Variants in ROBO1 observed in about 807,000 individuals in gnomAD.
The protein encoded by ROBO1 is roundabout guidance receptor 1.
ROBO1 carries 149 observed loss-of-function variants against 195.9 expected under a neutral mutation model. The observed-to-expected ratio is 0.76, with a 90% confidence interval of 0.67 to 0.87. The LOEUF (loss-of-function observed/expected upper bound fraction) is 0.87, where lower values mean the gene tolerates loss of function less well. ROBO1 is among the 40% of genes least tolerant of loss of function. ROBO1 has a pLI of 0.00. For missense variants in ROBO1, 1,933 were observed against 2,068.3 expected (o/e 0.93, Z 1.27); for synonymous variants, 816 against 733.2 (o/e 1.11, Z -1.82).
intron 1 of ROBO1, among the ~76,000 whole-genome samples, chr3:79,749,088 G>A (rs879923926): frequency 4.6e-5 from 7 of 152,140 alleles, no homozygotes; most frequent in South Asian, 4.1e-4. Context: ...GGCTTTGACC[G>A]AAAGGCTGAT....
At position 78,777,441 on chromosome 3, in the gene ROBO1, C is replaced by T. The variant is rs1318690186; in HGVS notation, c.500-30541G>A. Among the ~76,000 whole-genome samples the T allele has an allele frequency of 5.3e-5, 8 of 150,926 alleles. No homozygotes were observed. In the East Asian group the frequency reaches 1.6e-3, roughly 29 times the overall value. ...CAATTTCCTTATGATATATATACAA[C>T]CAATGCCATCTGGTACCCCATCATT... is the stretch of plus-strand genomic sequence containing the variant. On this transcript the variant is annotated intron_variant, in intron 4 of 30. Transcript: ENST00000464233.
chr3:79,760,267 A>AAAAAAAAAAC, intron 1 of ROBO1, among the ~76,000 whole-genome samples: 1 of 146,618 alleles, frequency 6.8e-6, no homozygotes, highest in Non-Finnish European at 1.5e-5. Context: ...AAAAAAAAAA[A>AAAAAAAAAAC]AAAAGCACAA....
chr3:78,784,610 G>GAC (rs759913431), intron 4 of ROBO1, among the ~76,000 whole-genome samples: 103 of 30,626 alleles, frequency 3.4e-3, no homozygotes, highest in Non-Finnish European at 5.3e-3. Flanking sequence ...TGAAAAAAAG[G>GAC]ACACGTTCTT....
At chr3:79,515,248 C>T (rs927105776) in intron 2 of ROBO1, among the ~76,000 whole-genome samples, 2 of 152,186 alleles carry the variant, frequency 1.3e-5, no homozygotes, top group African/African-American at 4.8e-5. Flanking sequence ...TGCTCACTGT[C>T]CTCCACCAAT....
rs143251258 is a variant in ROBO1 at position 79,073,231 on chromosome 3, C to T, written c.172+52225G>A. Among the ~76,000 whole-genome samples the T allele has an allele frequency of 3.9e-5, 6 of 152,052 alleles. No homozygotes were observed. The East Asian group carries it at 9.7e-4, about 25-fold the overall frequency. Reference sequence around the variant, plus strand: ...ATATTAGTGCTTATATTCTTAGCGTCTCCCATTTTAGTAAAAGCAAAGTTA... The same window carrying T: ...ATATTAGTGCTTATATTCTTAGCGTTTCCCATTTTAGTAAAAGCAAAGTTA... On this transcript the variant is annotated intron_variant, in intron 3 of 30. Coordinates refer to ENST00000464233, the MANE Select transcript of ROBO1 (RefSeq NM_002941.4).
At chr3:79,701,761 A>G (rs967527629) in intron 1 of ROBO1, among the ~76,000 whole-genome samples, 17 of 151,770 alleles carry the variant, frequency 1.1e-4, no homozygotes, top group Non-Finnish European at 5.9e-5. Context: ...TATGCAATGT[A>G]TTCTGAAGGC....
intron 2 of ROBO1, among the ~76,000 whole-genome samples, chr3:79,531,895 A>C (rs1941677287): frequency 6.6e-6 from 1 of 152,188 alleles, no homozygotes; most frequent in Non-Finnish European, 1.5e-5. Flanking sequence ...ACCAGGAAAG[A>C]CCTCTGTAAT....
At chr3:78,748,804 GA>G (rs1189103067) in intron 4 of ROBO1, among the ~76,000 whole-genome samples, 1 of 152,012 alleles carries the variant, frequency 6.6e-6, no homozygotes, top group African/African-American at 2.4e-5. Flanking sequence ...TTAATATTTG[GA>G]AACTACTGCT....
chr3:79,051,080 G>A (rs1253129669), intron 3 of ROBO1, among the ~76,000 whole-genome samples: 1 of 151,950 alleles, frequency 6.6e-6, no homozygotes, highest in African/African-American at 2.4e-5. Flanking sequence ...GAAGGAGATA[G>A]AGACACAAAA....
At chr3:79,104,219 A>G (rs1445819927) in intron 3 of ROBO1, among the ~76,000 whole-genome samples, 2 of 151,802 alleles carry the variant, frequency 1.3e-5, no homozygotes, top group African/African-American at 4.8e-5. Context: ...AGGAGTCATG[A>G]ACGCTTTCAT....
intron 2 of ROBO1, among the ~76,000 whole-genome samples, chr3:79,233,086 T>C (rs908521828): frequency 6.6e-6 from 1 of 152,084 alleles, no homozygotes; most frequent in African/African-American, 2.4e-5. Context: ...AAAAAGGCAG[T>C]GAAAATTGTA....
At chr3:79,711,125 G>C (rs1335823819) in intron 1 of ROBO1, among the ~76,000 whole-genome samples, 1 of 152,106 alleles carries the variant, frequency 6.6e-6, no homozygotes, top group Non-Finnish European at 1.5e-5. Flanking sequence ...AAAATGTAAA[G>C]AATATGAATC....
intron 4 of ROBO1, among the ~76,000 whole-genome samples, chr3:78,867,634 C>A (rs1576315841): frequency 6.6e-6 from 1 of 152,082 alleles, no homozygotes; most frequent in Non-Finnish European, 1.5e-5. Flanking sequence ...CAACTGATAG[C>A]CAGAAACAGA....
chr3:78,988,121 T>A (rs2077154789), intron 3 of ROBO1, among the ~76,000 whole-genome samples: 1 of 152,150 alleles, frequency 6.6e-6, no homozygotes, highest in African/African-American at 2.4e-5. Flanking sequence ...AGAGCTGTGA[T>A]CATGTACACA....
At chr3:78,599,965 C>T in intron 30 of ROBO1, 148 bp downstream of exon 30, 2 of 714,626 alleles carry the variant, frequency 2.8e-6, no homozygotes, top group South Asian at 1.6e-5. Context: ...CTCAAATTCT[C>T]AGAACTTCAG....
chr3:79,453,482 G>T (rs1372651990), intron 2 of ROBO1, among the ~76,000 whole-genome samples: 1 of 151,950 alleles, frequency 6.6e-6, no homozygotes, highest in Non-Finnish European at 1.5e-5. Flanking sequence ...AAATCCTAGG[G>T]GTTATAGCTC....
At chr3:78,727,847 ACTT>A (rs955634484) in intron 5 of ROBO1, among the ~76,000 whole-genome samples, 9 of 152,104 alleles carry the variant, frequency 5.9e-5, no homozygotes, top group African/African-American at 2.2e-4. Context: ...AGTGACCAAT[ACTT>A]CTAAGTGTAA....
intron 4 of ROBO1, among the ~76,000 whole-genome samples, chr3:78,748,374 G>A (rs1396448154): frequency 6.6e-6 from 1 of 152,054 alleles, no homozygotes; most frequent in African/African-American, 2.4e-5. Flanking sequence ...GAACCCAGGA[G>A]GTGGCGGTTG....
At chr3:78,744,531 AC>A (rs1465305904) in intron 5 of ROBO1, among the ~76,000 whole-genome samples, 1 of 152,114 alleles carries the variant, frequency 6.6e-6, no homozygotes, top group Non-Finnish European at 1.5e-5. Flanking sequence ...TAAAAAGGCT[AC>A]CCCCTGATTG....
Sources: allele counts gnomAD v4.1 joint callset (sites outside exome capture counted in the v4.1 genomes callset), GRCh38; gene constraint gnomAD v4.1.1; transcripts MANE v1.5; gene names NCBI Gene and HGNC (gene_info 2026-07-23, HGNC 2026-07-21).